FAM228A: variants seen among roughly 807,000 people sequenced by gnomAD.
FAM228A encodes protein FAM228A.
Under a neutral mutation model 18.6 loss-of-function variants are expected in FAM228A, and 13 were observed. The observed-to-expected ratio is 0.70, with a 90% CI of 0.45 to 1.11. FAM228A has a LOEUF of 1.11. FAM228A is among the 50% of genes least tolerant of loss of function. FAM228A has a pLI of 0.00. For missense variants in FAM228A, 240 were observed against 242.2 expected (o/e 0.99, Z 0.06); for synonymous variants, 77 against 86.6 (o/e 0.89, Z 0.61).
At chr2:24,188,625 A>C in intron 5 of FAM228A, 1 of 985,470 alleles carries the variant, frequency 1.0e-6, no homozygotes, top group Non-Finnish European at 1.2e-6. Context: ...CAGAGAAATC[A>C]GTCTCTACCT....
At chr2:24,180,391 G>A (rs990329588) in intron 3 of FAM228A, among the ~76,000 whole-genome samples, 2 of 152,032 alleles carry the variant, frequency 1.3e-5, no homozygotes, top group Non-Finnish European at 2.9e-5. Flanking sequence ...GGCGGAGGTT[G>A]CAGTGAGCCA....
In FAM228A at chr2:24,191,476, A is replaced by G. The variant is rs1218614074; in HGVS notation, c.*845A>G. The G allele has an allele frequency of 1.0e-6, 1 of 985,296 alleles. No individual in the cohort carries two copies. Among genetic ancestry groups the G allele is most frequent in the Admixed American group, 6.1e-5 (1 of 16,268 alleles). 61.0% of individuals were successfully genotyped at this position (985,296 alleles called of 1,614,324 possible). On this transcript the variant is annotated 3_prime_UTR_variant, in exon 6 of 6. Transcript: ENST00000295150. ...CTCTTCAGCAGTTTCCTCTGAGCATAATTATATCTGAGAGCACAGGGAGCT... is the reference window on the plus strand; with the variant it reads ...CTCTTCAGCAGTTTCCTCTGAGCATGATTATATCTGAGAGCACAGGGAGCT...
At position 24,183,609 on chromosome 2, in the gene FAM228A, C is replaced by T; in HGVS notation, c.365C>T (p.Ala122Val). 6.2e-7 allele frequency: 1 copy of T among 1,612,118 alleles called. No homozygotes were observed. Among genetic ancestry groups the T allele is most frequent in the South Asian group, 1.1e-5 (1 of 90,500 alleles). Reference protein sequence around the residue: ...HCVIPKEWHKASARARSKTYK... With the variant: ...HCVIPKEWHKVSARARSKTYK... ...GTGATTCCAAAAGAGTGGCATAAAG[C>T]CTCTGCAAGAGCCAGGAGTAAAACT... The change falls in exon 5 of 6, where the codon GCC (alanine) becomes GTC (valine). Residue 122 changes from alanine to valine, a missense_variant. Coordinates refer to ENST00000295150, the MANE Select transcript of FAM228A (RefSeq NM_001040710.3).
Position 24,183,591 on chromosome 2 carries a change from CA to C in FAM228A, c.351del (p.Glu118SerfsTer38). 6.2e-7 allele frequency: 1 copy of C among 1,613,930 alleles called. No homozygotes were observed. Among genetic ancestry groups the C allele is most frequent in the South Asian group, 1.1e-5 (1 of 91,038 alleles). ...YFTFTSHCVI[P>X]KEWHKASARA... ...ACTTTCACTTCACACTGTGTGATTCCAAAAGAGTGGCATAAAGCCTCTGCAA... is the reference window on the plus strand; with the variant it reads ...ACTTTCACTTCACACTGTGTGATTCCAAAGAGTGGCATAAAGCCTCTGCAA... On this transcript the variant is annotated frameshift_variant, in exon 5 of 6. Coordinates refer to ENST00000295150, the MANE Select transcript of FAM228A (RefSeq NM_001040710.3). LOFTEE classifies it high-confidence loss of function.
chr2:24,190,892 C>T lies in FAM228A; in HGVS notation c.*261C>T. 3 of 1,181,282 alleles carry T rather than the reference C, an allele frequency of 2.5e-6. No individual in the cohort carries two copies. In the South Asian group the frequency reaches 1.1e-4, roughly 45 times the overall value. The allele number at this position is 1,181,282 out of a possible 1,614,324, so 73.2% of individuals were successfully genotyped here. ...AACCTGGCCACAGGGGCTTTTCCCC[C>T]TGAGATTTCTTCAGCGCCTTCGCCC... On this transcript the variant is annotated 3_prime_UTR_variant, in exon 6 of 6. Transcript: ENST00000295150.
In FAM228A at chr2:24,190,293, G is replaced by C. The variant is rs371202487; in HGVS notation, c.402-119G>C. 6 of 1,238,606 alleles carry C rather than the reference G, an allele frequency of 4.8e-6. No homozygotes were observed. The East Asian group carries it at 1.3e-4, about 28-fold the overall frequency. The allele number at this position is 1,238,606 out of a possible 1,614,324, so 76.7% of individuals were successfully genotyped here. A position where few individuals can be genotyped will look rare whatever the true frequency, so the allele number is the denominator to read the frequency against. On this transcript the variant is annotated intron_variant, in intron 5 of 5. Coordinates refer to ENST00000295150, the MANE Select transcript of FAM228A (RefSeq NM_001040710.3). The stretch of plus-strand genomic sequence containing the variant: ...GAGGGACAGCCACCAGTGATGGCTG[G>C]TCAGTCGTTCCTTCTCAAAAGTGAC...
chr2:24,188,167 T>C (rs2151048659), intron 5 of FAM228A, among the ~76,000 whole-genome samples: 1 of 152,370 alleles, frequency 6.6e-6, no homozygotes, highest in East Asian at 1.9e-4. Context: ...AGATATTTTA[T>C]TATCTCTTCT....
chr2:24,185,121 C>T (rs906637425), intron 5 of FAM228A, among the ~76,000 whole-genome samples: 1 of 152,080 alleles, frequency 6.6e-6, no homozygotes, highest in Non-Finnish European at 1.5e-5. Flanking sequence ...CCGTGCCTGG[C>T]CTGCTTTTAT....
At chr2:24,186,493 T>C (rs1028422042) in intron 5 of FAM228A, among the ~76,000 whole-genome samples, 15 of 152,184 alleles carry the variant, frequency 9.9e-5, no homozygotes, top group Non-Finnish European at 1.9e-4. Context: ...TACATTATTT[T>C]TAGATTTCCA....
Position 24,175,588 on chromosome 2 carries a change from C to G in FAM228A, c.93+15C>G. 1.3e-6 allele frequency: 2 copies of G among 1,579,720 alleles called. No homozygotes were observed. Among genetic ancestry groups the G allele is most frequent in the South Asian group, 1.1e-5 (1 of 90,344 alleles). On this transcript the variant is annotated intron_variant, in intron 2 of 5. Transcript: ENST00000295150. ...CTTTAATGGAGGTGAGATAACGTGG[C>G]GTTTTGAGACGTCATTTTGGCGGGG...
intron 3 of FAM228A, chr2:24,179,283 C>G: frequency 1.6e-6 from 1 of 632,398 alleles, no homozygotes; most frequent in Non-Finnish European, 2.1e-6. Flanking sequence ...TTATTTACAG[C>G]ACAGACATAA....
intron 3 of FAM228A, 38 bp downstream of exon 3, chr2:24,177,908 T>C (rs1211047837): frequency 2.2e-6 from 3 of 1,357,590 alleles, no homozygotes; most frequent in African/African-American, 2.9e-5. Context: ...ACATATGTTC[T>C]AGGGGAGCAA....
At chr2:24,183,948 T>C (rs1667877977) in intron 5 of FAM228A, among the ~76,000 whole-genome samples, 1 of 152,188 alleles carries the variant, frequency 6.6e-6, no homozygotes, top group Admixed American at 6.5e-5. Context: ...ACCTCCTTGC[T>C]CTCCCTGTGG....
intron 2 of FAM228A, among the ~76,000 whole-genome samples, chr2:24,177,140 C>G (rs959806687): frequency 6.6e-6 from 1 of 152,174 alleles, no homozygotes; most frequent in Non-Finnish European, 1.5e-5. Context: ...TTCAAGGGCC[C>G]TTTAAGACAC....
chr2:24,175,426 A>T (rs1573798411), intron 1 of FAM228A, 41 bp from the exon 2 acceptor site: 2 of 1,440,606 alleles, frequency 1.4e-6, no homozygotes, highest in East Asian at 4.5e-5. Context: ...TCTCAACGGT[A>T]ACCGTCTTCC....
chr2:24,186,508 T>C (rs987008291), intron 5 of FAM228A, among the ~76,000 whole-genome samples: 1 of 152,164 alleles, frequency 6.6e-6, no homozygotes, highest in Non-Finnish European at 1.5e-5. Flanking sequence ...TTTCCATTAG[T>C]AAGTTAAGGA....
At chr2:24,189,774 G>A (rs897116980) in intron 5 of FAM228A, among the ~76,000 whole-genome samples, 15 of 152,174 alleles carry the variant, frequency 9.9e-5, no homozygotes, top group Non-Finnish European at 2.9e-5. Context: ...TTGAGAGCAC[G>A]TGGCGAGGTG....
intron 3 of FAM228A, among the ~76,000 whole-genome samples, chr2:24,182,965 C>T (rs1179169063): frequency 6.6e-6 from 1 of 152,106 alleles, no homozygotes; most frequent in African/African-American, 2.4e-5. Context: ...CTTTGGTATA[C>T]AGTAAGGGCA....
At chr2:24,184,968 G>A (rs1416418745) in intron 5 of FAM228A, among the ~76,000 whole-genome samples, 1 of 151,784 alleles carries the variant, frequency 6.6e-6, no homozygotes, top group African/African-American at 2.4e-5. Flanking sequence ...GACTACAGGT[G>A]TGCGCCACCA....
Sources: gnomAD v4.1 joint callset for allele counts (sites outside exome capture counted in the v4.1 genomes callset) on GRCh38, gnomAD v4.1.1 for gene constraint, MANE v1.5 for transcripts, NCBI Gene and HGNC (gene_info 2026-07-23, HGNC 2026-07-21) for gene names.